DDX17: variants seen among roughly 807,000 people sequenced by gnomAD.
DDX17 encodes the protein probable ATP-dependent RNA helicase DDX17.
Under a neutral mutation model 80.8 loss-of-function variants are expected in DDX17, and 10 were observed. That is an observed-to-expected ratio of 0.12 (90% CI 0.08 to 0.21). The LOEUF is 0.21. DDX17 is among the 10% of genes least tolerant of loss of function. The pLI is 1.00. For missense variants in DDX17, 586 were observed against 957.4 expected (o/e 0.61, Z 5.12); for synonymous variants, 339 against 336.2 (o/e 1.01, Z -0.09).
intron 11 of DDX17, 36 bp downstream of exon 11, chr22:38,492,020 C>G (rs746730298): frequency 6.8e-6 from 10 of 1,478,270 alleles, no homozygotes; most frequent in Non-Finnish European, 9.3e-6. Context: ...CCAAAAGATA[C>G]ATATACCATT....
At chr22:38,497,807 C>G (rs1261702569) in intron 5 of DDX17, among the ~76,000 whole-genome samples, 1 of 151,784 alleles carries the variant, frequency 6.6e-6, no homozygotes. Context: ...AAAAACCACA[C>G]CAAAACCAGA....
chr22:38,492,930 T>C (rs2089727287), intron 10 of DDX17, among the ~76,000 whole-genome samples: 1 of 152,252 alleles, frequency 6.6e-6, no homozygotes, highest in African/African-American at 2.4e-5. Context: ...TCAGTAACAG[T>C]TTAATTCTCC....
Position 38,485,807 on chromosome 22 carries a change from G to T in DDX17, c.*128C>A. ...TGAAAAGACAAATCACGATGGTTGG[G>T]GGGAAAAATTAAAAAAAAAAAAAGA... On this transcript the variant is annotated 3_prime_UTR_variant, in exon 13 of 13. Transcript: ENST00000403230. 8.0e-7 allele frequency: 1 copy of T among 1,253,170 alleles called. No homozygotes were observed. Among genetic ancestry groups the T allele is most frequent in the Non-Finnish European group, 1.0e-6 (1 of 980,580 alleles). The allele number at this position is 1,253,170 out of a possible 1,614,324, so 77.6% of individuals were successfully genotyped here.
At chr22:38,488,244 AC>A (rs1314615392) in intron 11 of DDX17, 129 bp from the exon 12 acceptor site, 16 of 1,572,158 alleles carry the variant, frequency 1.0e-5, no homozygotes, top group Non-Finnish European at 1.4e-5. Context: ...GAAGTTAGTA[AC>A]CACTCTGAAC....
At chr22:38,499,941 G>C (rs1250848551) in intron 2 of DDX17, among the ~76,000 whole-genome samples, 1 of 151,792 alleles carries the variant, frequency 6.6e-6, no homozygotes, top group Non-Finnish European at 1.5e-5. Flanking sequence ...GAGGTGGGTG[G>C]ATCACTTGAG....
At chr22:38,504,424 C>T (rs550351492) in intron 1 of DDX17, among the ~76,000 whole-genome samples, 1 of 152,276 alleles carries the variant, frequency 6.6e-6, no homozygotes, top group Admixed American at 6.5e-5. Flanking sequence ...AAGGATTTCT[C>T]TAGGCATTAC....
chr22:38,502,966 C>T (rs138459), intron 1 of DDX17, among the ~76,000 whole-genome samples: 145,268 of 152,304 alleles, frequency 0.95, 69,402 homozygotes, highest in Admixed American at 0.98. Flanking sequence ...CTTAACCAGC[C>T]AGACATTCCT....
Position 38,494,076 on chromosome 22 carries a change from ATAT to A in DDX17, c.1267_1269del (p.Ile423del). On this transcript the variant is annotated inframe_deletion, in exon 9 of 13. Coordinates refer to ENST00000403230, the MANE Select transcript of DDX17 (RefSeq NM_006386.5). ...TCACAGCGTCTCTTTGTCTCCACAAATATTATTGTTTTGTTTTCCTTTTCAGCC... is the reference window on the plus strand; with the variant it reads ...TCACAGCGTCTCTTTGTCTCCACAAATATTGTTTTGTTTTCCTTTTCAGCC... 6.2e-7 allele frequency: 1 copy of A among 1,614,068 alleles called. No individual in the cohort carries two copies. The highest frequency in any genetic ancestry group is 8.5e-7 in the Non-Finnish European group (1 of 1,180,000).
intron 11 of DDX17, chr22:38,490,541 G>T: frequency 1.1e-6 from 1 of 927,160 alleles, no homozygotes; most frequent in Non-Finnish European, 1.5e-6. Flanking sequence ...AAAGGGAAGT[G>T]GTAGCCTAAG....
chr22:38,486,701 G>A (rs773693055), intron 12 of DDX17, among the ~76,000 whole-genome samples: 7 of 152,010 alleles, frequency 4.6e-5, no homozygotes, highest in South Asian at 2.1e-4. Context: ...CAAGAAACAC[G>A]GTATTACAAT....
intron 12 of DDX17, 116 bp from the exon 13 acceptor site, chr22:38,486,556 C>T (rs2089662136): frequency 7.2e-7 from 1 of 1,389,452 alleles, no homozygotes; most frequent in African/African-American, 1.5e-5. Context: ...TTTAGTTATG[C>T]TGGCCAGCCT....
intron 1 of DDX17, chr22:38,505,486 G>A (rs2089871244): frequency 6.3e-6 from 1 of 159,412 alleles, no homozygotes; most frequent in African/African-American, 2.4e-5. Flanking sequence ...TCTGGGGAGA[G>A]AACGTCAAGG....
chr22:38,486,878 A>G (rs1483795745), intron 12 of DDX17, among the ~76,000 whole-genome samples: 3 of 151,948 alleles, frequency 2.0e-5, no homozygotes, highest in African/African-American at 7.2e-5. Context: ...AAGTATTAAA[A>G]AAGCAACCAT....
At chr22:38,500,437 C>T (rs1323826150) in intron 2 of DDX17, among the ~76,000 whole-genome samples, 6 of 151,054 alleles carry the variant, frequency 4.0e-5, no homozygotes, top group Non-Finnish European at 5.9e-5. Context: ...GGTCAGGAGA[C>T]GGAGACCAGT....
chr22:38,485,292 C>T lies in DDX17; in HGVS notation c.*643G>A, dbSNP rs1004221492. The T allele has an allele frequency of 1.3e-5, 2 of 152,012 alleles. No homozygotes were observed. Among genetic ancestry groups the T allele is most frequent in the Admixed American group, 6.6e-5 (1 of 15,262 alleles). The allele number at this position is 152,012 out of a possible 1,614,324, so 9.4% of individuals were successfully genotyped here. ...CACTAAAATGGTTATTTTTCAGTAA[C>T]GGGGGGAGAAGTGGGGAGGCAGAGT... On this transcript the variant is annotated 3_prime_UTR_variant, in exon 13 of 13. Coordinates refer to ENST00000403230, the MANE Select transcript of DDX17 (RefSeq NM_006386.5).
chr22:38,496,872 G>C (rs1033131428), intron 5 of DDX17, among the ~76,000 whole-genome samples: 1 of 152,084 alleles, frequency 6.6e-6, no homozygotes, highest in African/African-American at 2.4e-5. Flanking sequence ...TGATCCATTA[G>C]ATATCAACTA....
chr22:38,499,226 C>CAAAACA (rs1349311672), intron 3 of DDX17, among the ~76,000 whole-genome samples, 174 bp downstream of exon 3: 2 of 151,902 alleles, frequency 1.3e-5, no homozygotes, highest in African/African-American at 4.8e-5. Context: ...CTCAAAAAAA[C>CAAAACA]AAAACAAAAA....
chr22:38,493,851 G>T, intron 9 of DDX17, 80 bp from the exon 10 acceptor site: 1 of 1,440,014 alleles, frequency 6.9e-7, no homozygotes, highest in Non-Finnish European at 9.7e-7. Context: ...ATGCTATCAT[G>T]CAATTTTTGT....
At chr22:38,505,773 G>C (rs1399881557) in intron 1 of DDX17, 178 bp downstream of exon 1, 2 of 774,112 alleles carry the variant, frequency 2.6e-6, no homozygotes, top group Non-Finnish European at 4.0e-6. Context: ...GCCCTCCTCG[G>C]GTCCCGAGTG....
Sources: gnomAD v4.1 joint callset for allele counts (sites outside exome capture counted in the v4.1 genomes callset) on GRCh38, gnomAD v4.1.1 for gene constraint, MANE v1.5 for transcripts, NCBI Gene and HGNC (gene_info 2026-07-23, HGNC 2026-07-21) for gene names.